RBFOX1: variants seen among roughly 807,000 people sequenced by gnomAD.
The protein encoded by RBFOX1 is RNA binding protein fox-1 homolog 1.
In RBFOX1, 8 loss-of-function variants were observed where a neutral mutation model predicts 57.7. The observed-to-expected ratio is 0.14, with a 90% CI of 0.08 to 0.25. The LOEUF (loss-of-function observed/expected upper bound fraction) is 0.25, where lower values mean the gene tolerates loss of function less well. Ranked by LOEUF, RBFOX1 falls within the 10% of genes least tolerant of loss-of-function variation. RBFOX1 has a pLI of 1.00. For missense variants in RBFOX1, 611 were observed against 548.5 expected, an observed-to-expected ratio of 1.11 and a Z score of -1.14; for synonymous variants, 326 against 222.4, an observed-to-expected ratio of 1.47 and a Z score of -4.15.
chr16:6,941,974 A>G lies in RBFOX1; in HGVS notation c.-15-110083A>G, dbSNP rs144774323. Among the ~76,000 whole-genome samples, 1,264 of 152,258 alleles carry G rather than the reference A, an allele frequency of 8.3e-3. 5 individuals are homozygous for G. The highest frequency in any genetic ancestry group is 0.014 in the Non-Finnish European group (984 of 68,016). On this transcript the variant is annotated intron_variant, in intron 3 of 15. Coordinates refer to ENST00000550418, the MANE Select transcript of RBFOX1 (RefSeq NM_018723.4). ...ATGGGCACAATGGCTCACACCTGTA[A>G]TCCCAGCACTTTACCAGGCGGAGGT...
At chr16:5,444,135 C>G (rs151115299) in intron 1 of RBFOX1, among the ~76,000 whole-genome samples, 88 of 151,920 alleles carry the variant, frequency 5.8e-4, no homozygotes, top group Middle Eastern at 3.4e-3. Flanking sequence ...AAATTATAAT[C>G]TCAAAATAAG....
chr16:6,495,483 C>G (rs562211187), intron 2 of RBFOX1, among the ~76,000 whole-genome samples: 1 of 150,824 alleles, frequency 6.6e-6, no homozygotes, highest in South Asian at 2.1e-4. Context: ...TTGGTCATAA[C>G]TTGTGGGTTG....
intron 8 of RBFOX1, 141 bp from the exon 9 acceptor site, chr16:7,597,230 C>T (rs2094750461): frequency 1.8e-6 from 1 of 556,512 alleles, no homozygotes. Flanking sequence ...TGTTATGCAC[C>T]TACTGCCTTT....
chr16:5,625,674 C>G (rs1470016066), intron 3 of RBFOX1, among the ~76,000 whole-genome samples: 1 of 151,916 alleles, frequency 6.6e-6, no homozygotes, highest in East Asian at 1.9e-4. Context: ...TCTCCTTCCT[C>G]AGCCTCCTGA....
At chr16:6,859,738 C>G (rs917449852) in intron 3 of RBFOX1, among the ~76,000 whole-genome samples, 2 of 152,150 alleles carry the variant, frequency 1.3e-5, no homozygotes, top group African/African-American at 2.4e-5. Context: ...CACCCTTGAT[C>G]TTTGACAATA....
chr16:7,276,822 G>A (rs9939291), intron 4 of RBFOX1, among the ~76,000 whole-genome samples: 83,536 of 152,048 alleles, frequency 0.55, 24,142 homozygotes, highest in African/African-American at 0.7. Flanking sequence ...AGTCTGTTAG[G>A]AAGGAGGTAA....
chr16:6,922,031 A>T (rs2074568424), intron 3 of RBFOX1, among the ~76,000 whole-genome samples: 1 of 152,182 alleles, frequency 6.6e-6, no homozygotes, highest in Non-Finnish European at 1.5e-5. Context: ...AATGTATATA[A>T]CTGCTGTTAC....
chr16:5,840,570 C>G (rs7200548), intron 3 of RBFOX1, among the ~76,000 whole-genome samples: 121,774 of 152,122 alleles, frequency 0.8, 48,837 homozygotes, highest in African/African-American at 0.85. Context: ...CTGAGCTCTA[C>G]AAGAAGAGGC....
At chr16:6,299,162 C>G (rs551975148) in intron 1 of RBFOX1, among the ~76,000 whole-genome samples, 38 of 152,340 alleles carry the variant, frequency 2.5e-4, no homozygotes, top group Non-Finnish European at 4.6e-4. Flanking sequence ...AGGCTGAATA[C>G]TAGCACCATG....
chr16:7,452,932 C>G (rs1328955520), intron 4 of RBFOX1, among the ~76,000 whole-genome samples: 3 of 152,006 alleles, frequency 2.0e-5, no homozygotes, highest in African/African-American at 7.3e-5. Context: ...AGTTAGAGAA[C>G]AGCCTGGCCA....
intron 3 of RBFOX1, among the ~76,000 whole-genome samples, chr16:6,755,193 G>A (rs1255831526): frequency 6.6e-6 from 1 of 152,212 alleles, no homozygotes; most frequent in Non-Finnish European, 1.5e-5. Context: ...ATAGCAGCAT[G>A]ATTTATAGTC....
intron 10 of RBFOX1, among the ~76,000 whole-genome samples, chr16:7,616,153 C>CA (rs1314624642): frequency 4.6e-5 from 7 of 152,278 alleles, no homozygotes; most frequent in African/African-American, 1.7e-4. Context: ...TAGAAGGACT[C>CA]AGAGTTCAAA....
intron 3 of RBFOX1, among the ~76,000 whole-genome samples, chr16:6,843,717 C>G (rs945107813): frequency 2.0e-5 from 3 of 152,062 alleles, no homozygotes; most frequent in Admixed American, 1.3e-4. Context: ...TATAAAAAAG[C>G]TTTACAGGTA....
intron 3 of RBFOX1, among the ~76,000 whole-genome samples, chr16:6,978,918 A>C (rs1223415015): frequency 6.6e-6 from 1 of 152,214 alleles, no homozygotes; most frequent in Non-Finnish European, 1.5e-5. Context: ...GGAAGGGCAC[A>C]GAGGCCTGGG....
chr16:5,703,049 G>T (rs964302056), intron 3 of RBFOX1, among the ~76,000 whole-genome samples: 1 of 152,300 alleles, frequency 6.6e-6, no homozygotes, highest in Non-Finnish European at 1.5e-5. Context: ...TATGTCCTGT[G>T]TGCTGGAGTT....
chr16:7,362,464 T>G (rs1420731443), intron 4 of RBFOX1, among the ~76,000 whole-genome samples: 1 of 151,480 alleles, frequency 6.6e-6, no homozygotes, highest in African/African-American at 2.4e-5. Context: ...ATATATGTTT[T>G]TGTGTGTGTT....
In RBFOX1 at chr16:6,941,292, CTCCCTCCCTCCTTCCT is replaced by C. The variant is rs1267150495; in HGVS notation, c.-15-110761_-15-110746del. Among the ~76,000 whole-genome samples, 173 of 80,126 alleles carry C rather than the reference CTCCCTCCCTCCTTCCT, an allele frequency of 2.2e-3. 4 individuals are homozygous for C. Among genetic ancestry groups the C allele is most frequent in the African/African-American group, 8.5e-3 (165 of 19,438 alleles). The allele number at this position is 80,126 out of a possible 152,430, so 52.6% of individuals were successfully genotyped here. A position where few individuals can be genotyped will look rare whatever the true frequency, so the allele number is the denominator to read the frequency against. On this transcript the variant is annotated intron_variant, in intron 3 of 15. Coordinates refer to ENST00000550418, the MANE Select transcript of RBFOX1 (RefSeq NM_018723.4). ...CTCTCTCCCTCCCTTCCCTCCTTCCCTCCCTCCCTCCTTCCTTCCTTCCTTCCTTCCTTCCTTCCTT... is the reference window on the plus strand; with the variant it reads ...CTCTCTCCCTCCCTTCCCTCCTTCCCTCCTTCCTTCCTTCCTTCCTTCCTT...
At chr16:7,152,411 G>A (rs895733640) in intron 4 of RBFOX1, among the ~76,000 whole-genome samples, 5 of 152,140 alleles carry the variant, frequency 3.3e-5, no homozygotes, top group East Asian at 1.9e-4. Context: ...TGGCTGACCC[G>A]ATAGCCAAAG....
At chr16:7,260,463 A>G (rs1475353141) in intron 4 of RBFOX1, among the ~76,000 whole-genome samples, 1 of 151,894 alleles carries the variant, frequency 6.6e-6, no homozygotes, top group African/African-American at 2.4e-5. Context: ...GTGCTAAGGC[A>G]CTGTTTGATT....
Sources: gnomAD v4.1 joint callset for allele counts (sites outside exome capture counted in the v4.1 genomes callset) on GRCh38, gnomAD v4.1.1 for gene constraint, MANE v1.5 for transcripts, NCBI Gene and HGNC (gene_info 2026-07-23, HGNC 2026-07-21) for gene names.